The following GRID1 variants were observed in gnomAD, a reference collection of about 807,000 sequenced individuals.
GRID1 encodes the protein glutamate receptor ionotropic, delta-1.
A neutral mutation model predicts 98.0 loss-of-function variants in GRID1; 28 were observed. The observed-to-expected ratio is 0.29, with a 90% CI of 0.21 to 0.39. GRID1 has a LOEUF of 0.39. Among genes scored for constraint, GRID1 ranks in the 10% least tolerant of loss-of-function variants. The pLI, the probability that GRID1 is intolerant of heterozygous loss-of-function variation, is 1.00. For missense variants in GRID1, 1,111 were observed against 1,340.5 expected, an observed-to-expected ratio of 0.83 and a Z score of 2.67; for synonymous variants, 553 against 538.5, an observed-to-expected ratio of 1.03 and a Z score of -0.37.
intron 12 of GRID1, among the ~76,000 whole-genome samples, chr10:85,678,920 A>C (rs548785516): frequency 1.3e-5 from 2 of 152,298 alleles, no homozygotes; most frequent in South Asian, 4.1e-4. Flanking sequence ...GATAAAGGAG[A>C]GGGAACTAAA....
chr10:85,891,283 A>T lies in GRID1; in HGVS notation c.781-22103T>A, dbSNP rs527426187. On this transcript the variant is annotated intron_variant, in intron 5 of 15. Transcript: ENST00000327946. ...AATTACCACAAAAAACTTTCCAAAG[A>T]TGATTTAGAAATAAAATTGCATGGC... Among the ~76,000 whole-genome samples the T allele has an allele frequency of 2.4e-4, 36 of 152,334 alleles. 1 individual carries two copies. The South Asian group carries it at 7.0e-3, about 30-fold the overall frequency.
At chr10:86,233,475 T>C (rs1402858177) in intron 2 of GRID1, among the ~76,000 whole-genome samples, 2 of 152,172 alleles carry the variant, frequency 1.3e-5, no homozygotes, top group Non-Finnish European at 2.9e-5. Flanking sequence ...GCTCTAAATG[T>C]TAGGCAGCTG....
chr10:85,973,697 T>G (rs1358534072), intron 4 of GRID1, among the ~76,000 whole-genome samples: 1 of 152,206 alleles, frequency 6.6e-6, no homozygotes, highest in Non-Finnish European at 1.5e-5. Flanking sequence ...TGAATGGAAA[T>G]TTTGATGAGG....
chr10:86,183,767 A>G (rs1193863075), intron 3 of GRID1, among the ~76,000 whole-genome samples: 1 of 152,218 alleles, frequency 6.6e-6, no homozygotes, highest in Admixed American at 6.5e-5. Flanking sequence ...TTGTGCCTTC[A>G]TTTCTTTCAG....
Position 86,222,816 on chromosome 10 carries a change from G to T in GRID1, c.236-16168C>A, listed in dbSNP as rs369202584. Among the ~76,000 whole-genome samples the T allele has an allele frequency of 3.3e-3, 507 of 152,252 alleles. 2 individuals are homozygous for T. The highest frequency in any genetic ancestry group is 0.012 in the African/African-American group (490 of 41,552). ...TGGAGCCCAGCTGAAGGGGGGCAGG[G>T]CACCCCCTTCCTCACCACAACACCA... On this transcript the variant is annotated intron_variant, in intron 2 of 15. Coordinates refer to ENST00000327946, the MANE Select transcript of GRID1 (RefSeq NM_017551.3).
At chr10:85,624,606 T>C (rs988354088) in intron 13 of GRID1, among the ~76,000 whole-genome samples, 1 of 152,218 alleles carries the variant, frequency 6.6e-6, no homozygotes, top group Non-Finnish European at 1.5e-5. Flanking sequence ...TGAAAACTAA[T>C]ATGTGTAAGT....
intron 8 of GRID1, among the ~76,000 whole-genome samples, chr10:85,769,773 G>A (rs982554781): frequency 1.3e-5 from 2 of 152,240 alleles, no homozygotes; most frequent in African/African-American, 4.8e-5. Flanking sequence ...GGCTGGGGGA[G>A]GGGCGCCTGC....
intron 4 of GRID1, among the ~76,000 whole-genome samples, chr10:85,922,447 G>T (rs1473301238): frequency 6.6e-6 from 1 of 152,160 alleles, no homozygotes; most frequent in Non-Finnish European, 1.5e-5. Flanking sequence ...TGTGTTAATT[G>T]TTGACCACTT....
intron 4 of GRID1, among the ~76,000 whole-genome samples, chr10:85,994,544 G>A (rs1419423073): frequency 1.3e-5 from 2 of 152,240 alleles, no homozygotes; most frequent in Non-Finnish European, 2.9e-5. Flanking sequence ...CCAAACCCAA[G>A]GGATGCTGGG....
At chr10:85,819,407 C>T (rs201396086) in intron 8 of GRID1, among the ~76,000 whole-genome samples, 1 of 152,214 alleles carries the variant, frequency 6.6e-6, no homozygotes, top group East Asian at 1.9e-4. Flanking sequence ...CTCAACATCT[C>T]AACATGATCT....
chr10:85,760,916 G>C (rs1200463322), intron 8 of GRID1, among the ~76,000 whole-genome samples: 1 of 152,130 alleles, frequency 6.6e-6, no homozygotes, highest in African/African-American at 2.4e-5. Context: ...CAGGTCAGAA[G>C]GCATTTCGTC....
At chr10:85,761,096 A>G (rs879537601) in intron 8 of GRID1, among the ~76,000 whole-genome samples, 1 of 152,202 alleles carries the variant, frequency 6.6e-6, no homozygotes, top group Non-Finnish European at 1.5e-5. Context: ...CAGCTGAGCA[A>G]ATTAAAAAGT....
chr10:85,873,684 C>A (rs769045576), intron 5 of GRID1, among the ~76,000 whole-genome samples: 1 of 152,152 alleles, frequency 6.6e-6, no homozygotes, highest in Admixed American at 6.5e-5. Flanking sequence ...ACAGTTTAGT[C>A]TCATTTATTC....
intron 12 of GRID1, among the ~76,000 whole-genome samples, chr10:85,680,009 A>G (rs1403253131): frequency 1.3e-5 from 2 of 152,142 alleles, no homozygotes; most frequent in Non-Finnish European, 2.9e-5. Context: ...GCTCCTATGC[A>G]TGCAGCACAG....
chr10:86,220,484 G>C (rs1846236721), intron 2 of GRID1, among the ~76,000 whole-genome samples: 1 of 152,184 alleles, frequency 6.6e-6, no homozygotes. Context: ...GCACCAGTAA[G>C]TACAGGTAAC....
intron 3 of GRID1, among the ~76,000 whole-genome samples, chr10:86,151,815 C>A (rs79657410): frequency 0.022 from 3,316 of 152,256 alleles, 53 homozygotes; most frequent in Non-Finnish European, 0.037. Flanking sequence ...TCGGGATCTG[C>A]GCTGGTGGGG....
intron 3 of GRID1, among the ~76,000 whole-genome samples, chr10:86,143,473 T>A (rs972528943): frequency 5.3e-5 from 8 of 151,810 alleles, no homozygotes; most frequent in African/African-American, 1.2e-4. Flanking sequence ...GAGCTGGGAC[T>A]TCCCCCACTG....
intron 4 of GRID1, among the ~76,000 whole-genome samples, chr10:85,936,130 C>T (rs1028688311): frequency 9.2e-5 from 14 of 152,216 alleles, no homozygotes; most frequent in African/African-American, 3.1e-4. Context: ...GGATACCTAA[C>T]TCAACTTCAG....
chr10:86,275,271 T>TA (rs1031435658), intron 2 of GRID1, among the ~76,000 whole-genome samples: 24 of 150,718 alleles, frequency 1.6e-4, no homozygotes, highest in Non-Finnish European at 2.7e-4. Context: ...CTTCAACAAC[T>TA]AAAAAAAAAC....
Sources: allele counts gnomAD v4.1 joint callset (sites outside exome capture counted in the v4.1 genomes callset), GRCh38; gene constraint gnomAD v4.1.1; transcripts MANE v1.5; gene names NCBI Gene and HGNC (gene_info 2026-07-23, HGNC 2026-07-21).